The following WDPCP variants were observed in gnomAD, a reference collection of about 807,000 sequenced individuals.
WDPCP encodes the protein WD repeat-containing and planar cell polarity effector protein fritz homolog.
In WDPCP, 71 loss-of-function variants were observed where a neutral mutation model predicts 93.1. The observed-to-expected ratio is 0.76, with a 90% confidence interval of 0.63 to 0.93. The LOEUF is 0.93. WDPCP is among the 40% of genes least tolerant of loss of function. WDPCP has a pLI of 0.00. For synonymous variants in WDPCP, 315 were observed against 315.0 expected (o/e 1.00, Z 0.00); for missense variants, 844 against 887.4 (o/e 0.95, Z 0.62).
chr2:63,594,788 A>C, intron 3 of WDPCP: 1 of 475,748 alleles, frequency 2.1e-6, no homozygotes, highest in South Asian at 2.3e-5. Context: ...GCAAATGAGA[A>C]CTCTTCCATA....
intron 2 of WDPCP, among the ~76,000 whole-genome samples, chr2:63,684,892 A>C (rs1002552341): frequency 6.6e-6 from 1 of 152,250 alleles, no homozygotes; most frequent in African/African-American, 2.4e-5. Context: ...CAATGAAAAA[A>C]TTAAGAAGGA....
chr2:63,298,883 T>C lies in WDPCP; in HGVS notation c.1812+14365A>G, dbSNP rs539078976. Among the ~76,000 whole-genome samples the C allele has an allele frequency of 3.9e-5, 6 of 152,300 alleles. No individual in the cohort carries two copies. In the East Asian group the frequency reaches 7.7e-4, roughly 20 times the overall value. On this transcript the variant is annotated intron_variant, in intron 13 of 17. Coordinates refer to ENST00000272321, the MANE Select transcript of WDPCP (RefSeq NM_015910.7). ...AGATGAGTACTATATCTTTATATCA[T>C]AGTGGTAGTCCTCAATTTTCACTAT...
intron 1 of WDPCP, among the ~76,000 whole-genome samples, chr2:63,567,746 T>G (rs1444607874): frequency 1.3e-5 from 2 of 151,986 alleles, no homozygotes; most frequent in East Asian, 3.8e-4. Flanking sequence ...TATTTGTGTA[T>G]TTTTTTTGAT....
chr2:63,675,772 G>C (rs1401432272), intron 2 of WDPCP, among the ~76,000 whole-genome samples: 19 of 152,114 alleles, frequency 1.2e-4, no homozygotes, highest in Non-Finnish European at 5.9e-5. Flanking sequence ...TTTGTCTTAA[G>C]AGATAGCCAT....
chr2:63,408,384 A>G (rs1444722848), intron 9 of WDPCP, among the ~76,000 whole-genome samples: 1 of 152,076 alleles, frequency 6.6e-6, no homozygotes, highest in Non-Finnish European at 1.5e-5. Flanking sequence ...CAATTTAGAG[A>G]GTGGAGCAAA....
chr2:63,788,359 C>G (rs867549001), intron 2 of WDPCP, among the ~76,000 whole-genome samples: 1 of 152,102 alleles, frequency 6.6e-6, no homozygotes, highest in African/African-American at 2.4e-5. Flanking sequence ...ACAGATATAA[C>G]GCTAAACAGA....
intron 13 of WDPCP, 148 bp downstream of exon 13, chr2:63,313,100 G>A (rs762296995): frequency 2.5e-4 from 181 of 724,944 alleles, no homozygotes; most frequent in Non-Finnish European, 3.9e-4. Flanking sequence ...CCAGTTTCAC[G>A]AAAGCAAACC....
intron 6 of WDPCP, among the ~76,000 whole-genome samples, chr2:63,449,582 C>A (rs535231532): frequency 6.6e-5 from 10 of 152,232 alleles, no homozygotes; most frequent in African/African-American, 2.2e-4. Flanking sequence ...CACAAAACTT[C>A]AGCGGTCCAC....
intron 1 of WDPCP, among the ~76,000 whole-genome samples, chr2:63,526,885 C>T (rs1318899377): frequency 1.3e-5 from 2 of 152,182 alleles, no homozygotes; most frequent in African/African-American, 4.8e-5. Flanking sequence ...AACTAGAATG[C>T]ATGCCACATA....
intron 2 of WDPCP, among the ~76,000 whole-genome samples, chr2:63,653,565 T>A (rs1710132307): frequency 6.6e-6 from 1 of 152,148 alleles, no homozygotes; most frequent in African/African-American, 2.4e-5. Flanking sequence ...TTTAAAGGAA[T>A]ACAAAAATAT....
chr2:63,517,489 A>T (rs1339031415), intron 1 of WDPCP, among the ~76,000 whole-genome samples: 1 of 152,208 alleles, frequency 6.6e-6, no homozygotes, highest in Non-Finnish European at 1.5e-5. Context: ...TATCCCACAG[A>T]TGAATAGTTT....
intron 17 of WDPCP, among the ~76,000 whole-genome samples, chr2:63,149,765 T>G (rs1671768769): frequency 6.6e-6 from 1 of 152,106 alleles, no homozygotes; most frequent in Non-Finnish European, 1.5e-5. Context: ...TTATATAAAG[T>G]TCAGAAAGAA....
At chr2:63,673,497 A>G (rs1710370785) in intron 2 of WDPCP, among the ~76,000 whole-genome samples, 1 of 152,118 alleles carries the variant, frequency 6.6e-6, no homozygotes, top group Non-Finnish European at 1.5e-5. Context: ...CATTAAAGGA[A>G]TCCCCATCAG....
intron 2 of WDPCP, among the ~76,000 whole-genome samples, chr2:63,782,200 C>T (rs79665344): frequency 0.029 from 4,409 of 152,120 alleles, 223 homozygotes; most frequent in African/African-American, 0.1. Context: ...AGACTTGAAA[C>T]TATAAAAATA....
At chr2:63,753,197 C>T (rs1669909106) in intron 2 of WDPCP, among the ~76,000 whole-genome samples, 1 of 151,854 alleles carries the variant, frequency 6.6e-6, no homozygotes, top group South Asian at 2.1e-4. Context: ...TTTAGGAGGC[C>T]GAGGCGGGCG....
intron 13 of WDPCP, among the ~76,000 whole-genome samples, chr2:63,262,904 G>C (rs1681770862): frequency 6.6e-6 from 1 of 152,156 alleles, no homozygotes. Context: ...ACAGGTACTG[G>C]CTAAGAGGGC....
At chr2:63,806,110 T>A (rs1383116033) in intron 2 of WDPCP, among the ~76,000 whole-genome samples, 1 of 152,072 alleles carries the variant, frequency 6.6e-6, no homozygotes, top group African/African-American at 2.4e-5. Context: ...TGAGAGCCTG[T>A]CTCAAAAAAA....
intron 14 of WDPCP, chr2:63,228,767 C>A (rs1029202792): frequency 7.2e-5 from 11 of 151,912 alleles, no homozygotes; most frequent in South Asian, 2.1e-4. Flanking sequence ...TGAACTCATC[C>A]TTTTTTATGG....
intron 2 of WDPCP, among the ~76,000 whole-genome samples, chr2:63,812,009 C>T (rs1670869992): frequency 6.6e-6 from 1 of 152,038 alleles, no homozygotes; most frequent in South Asian, 2.1e-4. Context: ...GAACTACAGG[C>T]GTATACCACC....
Sources: gnomAD v4.1 joint callset for allele counts (sites outside exome capture counted in the v4.1 genomes callset) on GRCh38, gnomAD v4.1.1 for gene constraint, MANE v1.5 for transcripts, NCBI Gene and HGNC (gene_info 2026-07-23, HGNC 2026-07-21) for gene names.